The following ALDH5A1 variants were observed in gnomAD, a reference collection of about 807,000 sequenced individuals.
ALDH5A1 encodes succinate-semialdehyde dehydrogenase, mitochondrial.
ALDH5A1 carries 33 observed loss-of-function variants against 54.7 expected under a neutral mutation model. The ratio of observed to expected loss-of-function variants is 0.60; its 90% CI spans 0.46 to 0.81. The LOEUF is 0.81. Ranked by LOEUF, ALDH5A1 falls within the 30% of genes least tolerant of loss-of-function variation. ALDH5A1 has a pLI of 0.00. For synonymous variants in ALDH5A1, 294 were observed against 292.7 expected (o/e 1.00, Z -0.05); for missense variants, 657 against 711.0 (o/e 0.92, Z 0.86).
intron 4 of ALDH5A1, among the ~76,000 whole-genome samples, chr6:24,506,013 C>T (rs1759337649): frequency 6.6e-6 from 1 of 151,760 alleles, no homozygotes. Context: ...CTGATCCCCT[C>T]CTCTGCTTTG....
At chr6:24,526,524 T>C (rs807519) in intron 7 of ALDH5A1, among the ~76,000 whole-genome samples, 127,213 of 151,922 alleles carry the variant, frequency 0.84, 54,178 homozygotes, top group Non-Finnish European at 0.91. Context: ...AAATTAGACA[T>C]ATGACTGTCA....
At chr6:24,527,200 C>T (rs1484040769) in intron 7 of ALDH5A1, among the ~76,000 whole-genome samples, 1 of 151,658 alleles carries the variant, frequency 6.6e-6, no homozygotes, top group Non-Finnish European at 1.5e-5. Flanking sequence ...AGCAAATTAT[C>T]AATCAGGTGG....
At chr6:24,516,691 A>T (rs1013914218) in intron 5 of ALDH5A1, among the ~76,000 whole-genome samples, 5 of 151,860 alleles carry the variant, frequency 3.3e-5, no homozygotes, top group African/African-American at 1.2e-4. Flanking sequence ...TGTAATCCTC[A>T]CACTTTGAGA....
chr6:24,504,780 A>T (rs1037844098), intron 3 of ALDH5A1, 89 bp from the exon 4 acceptor site: 2 of 1,310,512 alleles, frequency 1.5e-6, no homozygotes, highest in Non-Finnish European at 2.2e-6. Flanking sequence ...GTGCAATGAA[A>T]TTTGTTCACT....
chr6:24,497,589 C>G (rs1347659439), intron 1 of ALDH5A1, among the ~76,000 whole-genome samples: 2 of 148,316 alleles, frequency 1.3e-5, no homozygotes, highest in African/African-American at 4.8e-5. Flanking sequence ...CTCCAAGTCC[C>G]CACTCGACCC....
intron 9 of ALDH5A1, 22 bp from the exon 10 acceptor site, chr6:24,533,485 A>G (rs1386384904): frequency 1.9e-6 from 3 of 1,611,906 alleles, no homozygotes; most frequent in African/African-American, 1.3e-5. Context: ...AATGCCATAT[A>G]TGTCCTTTTA....
rs1214819272 is a variant in ALDH5A1, at chr6:24,508,361, C to CAAAA, written c.726+3400_726+3403dup. On this transcript the variant is annotated intron_variant, in intron 4 of 9. Transcript: ENST00000357578. ...AGGTGACAGAGCAAGACTCCATCTC[C>CAAAA]AAAAAAAAAAAAAAAAAAAAAAAAA... is the stretch of plus-strand genomic sequence containing the variant. Among the ~76,000 whole-genome samples, 4 of 13,078 alleles carry CAAAA rather than the reference C, an allele frequency of 3.1e-4. 1 individual carries two copies. Among genetic ancestry groups the CAAAA allele is most frequent in the African/African-American group, 4.9e-4 (2 of 4,046 alleles). 8.6% of individuals were successfully genotyped at this position (13,078 alleles called of 152,430 possible). A position where few individuals can be genotyped will look rare whatever the true frequency, so the allele number is the denominator to read the frequency against.
chr6:24,520,812 G>T (rs760361087), intron 6 of ALDH5A1, among the ~76,000 whole-genome samples: 2 of 151,920 alleles, frequency 1.3e-5, no homozygotes, highest in Non-Finnish European at 2.9e-5. Flanking sequence ...GCTCAGAGGG[G>T]CCCCCCCAAA....
chr6:24,495,154 G>C lies in ALDH5A1; in HGVS notation c.158G>C (p.Gly53Ala), dbSNP rs566972161. Residue 53 changes from glycine (G) to alanine (A), a missense_variant, in exon 1 of 10, where the codon GGC becomes GCC. Gly to Ala is a moderately conservative substitution (Grantham distance 60). Around this residue, in one of 2 missense-constraint regions of ALDH5A1, gnomAD observed 232 missense variants for 194.6 expected, o/e 1.19. Transcript: ENST00000357578. The stretch of plus-strand genomic sequence containing the variant: ...CGCTGCTACGCTGGGCGCCTGGCGG[G>C]CCTCTCTGCGGCGCTGCTGCGCACC... ...QLRCYAGRLAGLSAALLRTDS... is the reference protein window; with the variant it reads ...QLRCYAGRLAALSAALLRTDS... 7.0e-7 allele frequency: 1 copy of C among 1,434,032 alleles called. No homozygotes were observed. Among genetic ancestry groups the C allele is most frequent in the African/African-American group, 1.5e-5 (1 of 66,990 alleles). 88.8% of individuals were successfully genotyped at this position (1,434,032 alleles called of 1,614,324 possible).
rs577178685 is a variant in ALDH5A1, at chr6:24,502,298, A to G, written c.355-225A>G. Among the ~76,000 whole-genome samples the G allele has an allele frequency of 1.2e-4, 19 of 152,306 alleles. No homozygotes were observed. In the South Asian group the frequency reaches 3.3e-3, roughly 27 times the overall value. ...AAGGCAAATCTTCTTTATTCAGTCTACTGATTCAAATGCTAATCTCTTCCG... is the reference window on the plus strand; with the variant it reads ...AAGGCAAATCTTCTTTATTCAGTCTGCTGATTCAAATGCTAATCTCTTCCG... On this transcript the variant is annotated intron_variant, in intron 1 of 9. Coordinates refer to ENST00000357578, the MANE Select transcript of ALDH5A1 (RefSeq NM_001080.3).
At position 24,533,774 on chromosome 6, in the gene ALDH5A1, A is replaced by G; in HGVS notation, c.*62A>G. On this transcript the variant is annotated 3_prime_UTR_variant, in exon 10 of 10. Transcript: ENST00000357578. ...TTATCTACATATATAGGTACATGCC[A>G]TCCATTATTTTAAATAAACTAATAG... 1.4e-6 allele frequency: 2 copies of G among 1,449,372 alleles called. No homozygotes were observed. The allele number at this position is 1,449,372 out of a possible 1,614,324, so 89.8% of individuals were successfully genotyped here.
intron 2 of ALDH5A1, among the ~76,000 whole-genome samples, chr6:24,502,925 G>A (rs1447463944): frequency 6.9e-6 from 1 of 145,610 alleles, no homozygotes; most frequent in Non-Finnish European, 1.5e-5. Flanking sequence ...ACTTGTTTTT[G>A]TACATTTTTT....
intron 3 of ALDH5A1, among the ~76,000 whole-genome samples, 155 bp from the exon 4 acceptor site, chr6:24,504,714 G>C (rs1759303973): frequency 6.6e-6 from 1 of 152,228 alleles, no homozygotes; most frequent in Non-Finnish European, 1.5e-5. Flanking sequence ...AGTTGGCGGG[G>C]GGGTCAGGTG....
At chr6:24,507,991 C>T (rs1420659570) in intron 4 of ALDH5A1, among the ~76,000 whole-genome samples, 4 of 151,984 alleles carry the variant, frequency 2.6e-5, no homozygotes, top group Non-Finnish European at 5.9e-5. Flanking sequence ...TATGCCTTTG[C>T]TTCCTCACAG....
At chr6:24,523,975 AG>A (rs1424729007) in intron 7 of ALDH5A1, among the ~76,000 whole-genome samples, 1 of 141,714 alleles carries the variant, frequency 7.1e-6, no homozygotes, top group East Asian at 2.0e-4. Flanking sequence ...TCAAACATCC[AG>A]TTTTTTGTGT....
intron 3 of ALDH5A1, 79 bp downstream of exon 3, chr6:24,503,512 C>A: frequency 6.6e-7 from 1 of 1,525,612 alleles, no homozygotes. Context: ...TCCTCGTGAG[C>A]AGGTGTGCTC....
intron 4 of ALDH5A1, among the ~76,000 whole-genome samples, chr6:24,514,471 G>T (rs937056351): frequency 2.0e-5 from 3 of 152,168 alleles, no homozygotes; most frequent in Admixed American, 1.3e-4. Context: ...AGGCCCGGTG[G>T]CTCACAACTG....
chr6:24,529,252 C>T (rs1759880626), intron 8 of ALDH5A1, among the ~76,000 whole-genome samples: 1 of 151,462 alleles, frequency 6.6e-6, no homozygotes, highest in Admixed American at 6.6e-5. Context: ...CTGCAACCTC[C>T]ACCTCCTGGG....
intron 6 of ALDH5A1, among the ~76,000 whole-genome samples, chr6:24,521,979 G>A: frequency 6.7e-6 from 1 of 149,068 alleles, no homozygotes; most frequent in African/African-American, 2.5e-5. Context: ...AGATTCTCCT[G>A]CCTCAGCCTC....
Sources: gnomAD v4.1 joint callset for allele counts (sites outside exome capture counted in the v4.1 genomes callset) on GRCh38, gnomAD v4.1.1 for gene constraint, gnomAD v4.1.1 regional missense constraint, MANE v1.5 for transcripts, NCBI Gene and HGNC (gene_info 2026-07-23, HGNC 2026-07-21) for gene names.